Variants in SENP7 observed in about 807,000 individuals in gnomAD.
The protein encoded by SENP7 is sentrin-specific protease 7.
Under a neutral mutation model 141.2 loss-of-function variants are expected in SENP7, and 64 were observed. The observed-to-expected ratio is 0.45, with a 90% CI of 0.37 to 0.56. The LOEUF (loss-of-function observed/expected upper bound fraction) is 0.56. Ranked by LOEUF, SENP7 falls within the 20% of genes least tolerant of loss-of-function variation. The pLI is 0.00. For synonymous variants in SENP7, 382 were observed against 426.4 expected (o/e 0.90, Z 1.28); for missense variants, 1,025 against 1,212.2 (o/e 0.85, Z 2.29).
chr3:101,372,959 A>C (rs370623629), intron 6 of SENP7, among the ~76,000 whole-genome samples: 3 of 151,944 alleles, frequency 2.0e-5, no homozygotes, highest in East Asian at 3.8e-4. Context: ...ATAATTTTAA[A>C]ATATATAAAT....
chr3:101,469,830 CA>C lies in SENP7; in HGVS notation c.187-10779del, dbSNP rs58498056. ...TGGGCGACAGAGCAAGACTCCGTCT[CA>C]AAAAAAAAAAAAAAAAAAAAAGAAC... On this transcript the variant is annotated intron_variant, in intron 3 of 23. Transcript: ENST00000394095. 6.0e-3 allele frequency among the ~76,000 whole-genome samples: 148 copies of C among 24,730 alleles called. 2 individuals are homozygous for C. The highest frequency in any genetic ancestry group is 0.019 in the African/African-American group (131 of 6,878). The allele number at this position is 24,730 out of a possible 152,430, so 16.2% of individuals were successfully genotyped here.
intron 3 of SENP7, among the ~76,000 whole-genome samples, chr3:101,488,586 A>C (rs2064827234): frequency 6.6e-6 from 1 of 152,236 alleles, no homozygotes; most frequent in African/African-American, 2.4e-5. Flanking sequence ...TCATGCCTGC[A>C]ATCCCAGCAC....
At chr3:101,385,942 C>T (rs898367255) in intron 6 of SENP7, among the ~76,000 whole-genome samples, 2 of 152,100 alleles carry the variant, frequency 1.3e-5, no homozygotes, top group African/African-American at 4.8e-5. Context: ...TGAGCAAAGC[C>T]GCTAACAACA....
chr3:101,363,920 A>C (rs1332082566), intron 10 of SENP7, among the ~76,000 whole-genome samples: 1 of 152,216 alleles, frequency 6.6e-6, no homozygotes, highest in Non-Finnish European at 1.5e-5. Flanking sequence ...ACAGACTAAT[A>C]ATAAGAAAGA....
At chr3:101,453,137 A>T (rs1397724612) in intron 4 of SENP7, among the ~76,000 whole-genome samples, 1 of 152,260 alleles carries the variant, frequency 6.6e-6, no homozygotes, top group Non-Finnish European at 1.5e-5. Flanking sequence ...AATGGCCATC[A>T]GAGAAATGCA....
intron 2 of SENP7, among the ~76,000 whole-genome samples, chr3:101,495,124 A>G (rs2065112347): frequency 6.6e-6 from 1 of 152,224 alleles, no homozygotes; most frequent in Non-Finnish European, 1.5e-5. Context: ...ATATGAACAA[A>G]CAGTTCTTAA....
chr3:101,358,165 T>C lies in SENP7; in HGVS notation c.1623+3550A>G, dbSNP rs555768788. 3.1e-5 allele frequency: 17 copies of C among 547,516 alleles called. 1 individual carries two copies. Among genetic ancestry groups the C allele is most frequent in the Non-Finnish European group, 4.8e-5 (15 of 312,652 alleles). 33.9% of individuals were successfully genotyped at this position (547,516 alleles called of 1,614,324 possible). A position where few individuals can be genotyped will look rare whatever the true frequency, so the allele number is the denominator to read the frequency against. On this transcript the variant is annotated intron_variant, in intron 11 of 23. Transcript: ENST00000394095. ...CATAAGATAATTCATACTGGAGATA[T>C]ACCCTACAAATGTGATCAATGTGGC... is the stretch of plus-strand genomic sequence containing the variant.
At chr3:101,459,960 TACTC>T (rs1464860556) in intron 3 of SENP7, among the ~76,000 whole-genome samples, 18 of 152,076 alleles carry the variant, frequency 1.2e-4, no homozygotes, top group African/African-American at 3.9e-4. Flanking sequence ...AAGAATAAAA[TACTC>T]AATAATAAAT....
In SENP7 at chr3:101,391,896, T is replaced by A. The variant is rs918550954; in HGVS notation, c.677+6965A>T. On this transcript the variant is annotated intron_variant, in intron 6 of 23. Transcript: ENST00000394095. ...GATAATGCACCATGATCAAGTGAGA[T>A]TTATCTCAGGGATGCAAGACACACA... is the stretch of plus-strand genomic sequence containing the variant. 2.0e-5 allele frequency among the ~76,000 whole-genome samples: 3 copies of A among 152,234 alleles called. No individual in the cohort carries two copies. The South Asian group carries it at 6.2e-4, about 32-fold the overall frequency.
chr3:101,474,303 T>C lies in SENP7; in HGVS notation c.187-15251A>G, dbSNP rs1043714793. Among the ~76,000 whole-genome samples, 17 of 152,372 alleles carry C rather than the reference T, an allele frequency of 1.1e-4. No individual in the cohort carries two copies. In the South Asian group the frequency reaches 1.7e-3, roughly 15 times the overall value. ...GGGCAGTATGGCCATTTTAAAAATA[T>C]TGATTGTTCCTATCCATGAGCATGG... On this transcript the variant is annotated intron_variant, in intron 3 of 23. Coordinates refer to ENST00000394095, the MANE Select transcript of SENP7 (RefSeq NM_020654.5).
Position 101,470,406 on chromosome 3 carries a change from C to T in SENP7, c.187-11354G>A, listed in dbSNP as rs368009670. On this transcript the variant is annotated intron_variant, in intron 3 of 23. Coordinates refer to ENST00000394095, the MANE Select transcript of SENP7 (RefSeq NM_020654.5). ...TAAACAGAAACAATGACAAAAACCACGATTATCTCAATAGATGCAGAAAAG... is the reference window on the plus strand; with the variant it reads ...TAAACAGAAACAATGACAAAAACCATGATTATCTCAATAGATGCAGAAAAG... Among the ~76,000 whole-genome samples the T allele has an allele frequency of 9.2e-5, 14 of 152,188 alleles. No homozygotes were observed. In the South Asian group the frequency reaches 2.5e-3, roughly 27 times the overall value.
chr3:101,357,586 T>TA (rs1045535720), intron 11 of SENP7: 4 of 1,180,094 alleles, frequency 3.4e-6, no homozygotes, highest in South Asian at 1.4e-5. Flanking sequence ...ATTTACAGTT[T>TA]AAAAAAAGCT....
intron 4 of SENP7, among the ~76,000 whole-genome samples, chr3:101,442,876 G>A (rs2062734728): frequency 6.6e-6 from 1 of 152,040 alleles, no homozygotes; most frequent in Non-Finnish European, 1.5e-5. Flanking sequence ...AAGCCAACAG[G>A]ACACATGCTA....
intron 4 of SENP7, among the ~76,000 whole-genome samples, chr3:101,442,540 C>T (rs1352401847): frequency 6.6e-6 from 1 of 152,130 alleles, no homozygotes; most frequent in East Asian, 1.9e-4. Flanking sequence ...CGGCCTGGTT[C>T]CTAACAGGCC....
intron 6 of SENP7, among the ~76,000 whole-genome samples, chr3:101,394,223 T>C (rs2060896974): frequency 6.6e-6 from 1 of 152,130 alleles, no homozygotes; most frequent in African/African-American, 2.4e-5. Flanking sequence ...TCTGTGCCTG[T>C]CTTATTTCAT....
chr3:101,384,988 A>G (rs2060611541), intron 6 of SENP7, among the ~76,000 whole-genome samples: 1 of 152,368 alleles, frequency 6.6e-6, no homozygotes, highest in East Asian at 1.9e-4. Flanking sequence ...AATACAAAAA[A>G]TAAAAGACGA....
chr3:101,495,305 T>C (rs1000158959), intron 2 of SENP7, among the ~76,000 whole-genome samples: 2 of 152,150 alleles, frequency 1.3e-5, no homozygotes, highest in Admixed American at 6.5e-5. Flanking sequence ...ACTGCTGGGA[T>C]TGTAAATTAG....
chr3:101,344,393 T>C (rs2059401219), intron 13 of SENP7, among the ~76,000 whole-genome samples: 2 of 152,226 alleles, frequency 1.3e-5, no homozygotes, highest in East Asian at 1.9e-4. Context: ...AGAATGCTTA[T>C]AAATGGCTGT....
At chr3:101,422,684 G>A (rs2061826011) in intron 4 of SENP7, among the ~76,000 whole-genome samples, 1 of 151,820 alleles carries the variant, frequency 6.6e-6, no homozygotes, top group South Asian at 2.1e-4. Context: ...TTTTATGAGG[G>A]GAAATGATCA....
Sources: gnomAD v4.1 joint callset for allele counts (sites outside exome capture counted in the v4.1 genomes callset) on GRCh38, gnomAD v4.1.1 for gene constraint, MANE v1.5 for transcripts, NCBI Gene and HGNC (gene_info 2026-07-23, HGNC 2026-07-21) for gene names.